BCR: variants seen among roughly 807,000 people sequenced by gnomAD.
The protein encoded by BCR is BCR activator of RhoGEF and GTPase, also known as breakpoint cluster region protein.
Under a neutral mutation model 138.6 loss-of-function variants are expected in BCR, and 58 were observed. That is an observed-to-expected ratio of 0.42 (90% confidence interval 0.34 to 0.52). The LOEUF (loss-of-function observed/expected upper bound fraction) is 0.52, where lower values mean the gene tolerates loss of function less well. Ranked by LOEUF, BCR falls within the 20% of genes least tolerant of loss-of-function variation. The probability of loss-of-function intolerance (pLI) is 0.06; values close to 1 mark genes in which losing one functional copy is unlikely to be tolerated. For synonymous variants in BCR, 786 were observed against 730.1 expected (o/e 1.08, Z -1.23); for missense variants, 1,599 against 1,727.2 (o/e 0.93, Z 1.32).
intron 2 of BCR, among the ~76,000 whole-genome samples, chr22:23,256,237 TCTC>T (rs2073293643): frequency 6.6e-6 from 1 of 152,040 alleles, no homozygotes; most frequent in Non-Finnish European, 1.5e-5. Flanking sequence ...TGCTCATCCC[TCTC>T]CTCCTGCACG....
chr22:23,286,607 C>T (rs937988695), intron 10 of BCR, among the ~76,000 whole-genome samples: 6 of 152,174 alleles, frequency 3.9e-5, no homozygotes, highest in Admixed American at 2.6e-4. Context: ...GGGTGGGGCC[C>T]TACCTGGTGA....
intron 1 of BCR, among the ~76,000 whole-genome samples, chr22:23,223,690 T>C (rs2072855887): frequency 1.3e-5 from 2 of 152,116 alleles, no homozygotes; most frequent in Admixed American, 6.5e-5. Flanking sequence ...CCACTCCAGT[T>C]GGCAAGGGTC....
chr22:23,231,965 GCCTGTC>G (rs2072964464), intron 1 of BCR, among the ~76,000 whole-genome samples: 1 of 152,172 alleles, frequency 6.6e-6, no homozygotes, highest in Admixed American at 6.5e-5. Flanking sequence ...GGTACCCTCA[GCCTGTC>G]CCAAGGCAGC....
intron 5 of BCR, 84 bp from the exon 6 acceptor site, chr22:23,271,448 T>C: frequency 3.5e-6 from 5 of 1,413,848 alleles, no homozygotes; most frequent in Non-Finnish European, 5.0e-6. Flanking sequence ...GAGGGAAAGC[T>C]GAAATTGTTG....
chr22:23,289,663 G>A (rs1282334269), intron 13 of BCR, 42 bp downstream of exon 13: 8 of 1,540,576 alleles, frequency 5.2e-6, no homozygotes, highest in Non-Finnish European at 7.2e-6. Context: ...CTGCAGGGAG[G>A]GCAGGCAGCT....
chr22:23,225,491 A>G (rs971703631), intron 1 of BCR, among the ~76,000 whole-genome samples: 2 of 152,196 alleles, frequency 1.3e-5, no homozygotes, highest in African/African-American at 4.8e-5. Context: ...GGGGACCTGG[A>G]GGATGTGGCC....
At chr22:23,229,338 T>C (rs1020754546) in intron 1 of BCR, among the ~76,000 whole-genome samples, 1 of 152,214 alleles carries the variant, frequency 6.6e-6, no homozygotes, top group Non-Finnish European at 1.5e-5. Flanking sequence ...ATTTGGGTCA[T>C]CTTGGGGTTG....
intron 1 of BCR, among the ~76,000 whole-genome samples, chr22:23,228,690 G>C (rs2072920051): frequency 6.6e-6 from 1 of 152,092 alleles, no homozygotes; most frequent in Non-Finnish European, 1.5e-5. Flanking sequence ...ATCCTCTTCT[G>C]GCCTCTATAG....
chr22:23,181,028 T>G lies in BCR; in HGVS notation c.68T>G (p.Met23Arg). The G allele has an allele frequency of 6.7e-7, 1 of 1,501,096 alleles. No individual in the cohort carries two copies. The allele number at this position is 1,501,096 out of a possible 1,614,324, so 93.0% of individuals were successfully genotyped here. A position where few individuals can be genotyped will look rare whatever the true frequency, so the allele number is the denominator to read the frequency against. ...TTCCCGGACTCAGAGCCCCCGCGCA[T>G]GGAGCTGCGCTCAGTGGGCGACATC... ...AQFPDSEPPRMELRSVGDIEQ... is the reference protein window; with the variant it reads ...AQFPDSEPPRRELRSVGDIEQ... Residue 23 changes from methionine to arginine, a missense_variant, in exon 1 of 23, where the codon ATG becomes AGG. This residue lies in a region of BCR where 806 missense variants were observed against 635.0 expected (regional missense o/e 1.27). Transcript: ENST00000305877.
chr22:23,234,854 G>A (rs1183097872), intron 1 of BCR, among the ~76,000 whole-genome samples: 2 of 143,862 alleles, frequency 1.4e-5, no homozygotes, highest in African/African-American at 4.9e-5. Flanking sequence ...GACAGTCTTC[G>A]GGGCCCAGAC....
intron 22 of BCR, 136 bp downstream of exon 22, chr22:23,314,850 C>A: frequency 3.4e-6 from 4 of 1,189,656 alleles, no homozygotes; most frequent in Non-Finnish European, 4.9e-6. Flanking sequence ...AGGGACTTGC[C>A]TAGGTCTGCA....
At chr22:23,314,191 C>T (rs187404370) in intron 21 of BCR, 118 bp downstream of exon 21, 4 of 818,998 alleles carry the variant, frequency 4.9e-6, no homozygotes, top group Non-Finnish European at 6.0e-6. Context: ...TGTCTGCAGT[C>T]ACTCACTGCC....
chr22:23,295,186 C>G, intron 16 of BCR, 31 bp downstream of exon 16: 21 of 1,584,354 alleles, frequency 1.3e-5, no homozygotes, highest in Non-Finnish European at 1.8e-5. Flanking sequence ...CTCCCCTGCC[C>G]GATGCATGGC....
At chr22:23,241,081 T>G (rs2073085044) in intron 1 of BCR, among the ~76,000 whole-genome samples, 1 of 152,210 alleles carries the variant, frequency 6.6e-6, no homozygotes. Flanking sequence ...ACTCATGCAT[T>G]GATGGATGCT....
intron 1 of BCR, among the ~76,000 whole-genome samples, chr22:23,185,480 A>AGT (rs1414704055): frequency 6.6e-6 from 1 of 151,960 alleles, no homozygotes; most frequent in East Asian, 2.0e-4. Flanking sequence ...CCTGGCTAAC[A>AGT]CGGTGAAACC....
chr22:23,268,685 C>T (rs940224851), intron 5 of BCR, among the ~76,000 whole-genome samples, 170 bp downstream of exon 5: 2 of 152,208 alleles, frequency 1.3e-5, no homozygotes, highest in African/African-American at 2.4e-5. Context: ...CTGTTGTGCG[C>T]AGACCGAAGG....
chr22:23,251,899 A>G lies in BCR; in HGVS notation c.1280-1900A>G, dbSNP rs1368311820. Among the ~76,000 whole-genome samples the G allele has an allele frequency of 4.6e-5, 7 of 152,200 alleles. No homozygotes were observed. In the East Asian group the frequency reaches 1.2e-3, roughly 25 times the overall value. The stretch of plus-strand genomic sequence containing the variant: ...TCCTTGTGGGTTGACAGTGGTCATG[A>G]TGAGTCCACTGGCTTAGAAAACTCA... On this transcript the variant is annotated intron_variant, in intron 1 of 22. Coordinates refer to ENST00000305877, the MANE Select transcript of BCR (RefSeq NM_004327.4).
chr22:23,291,611 T>C (rs1171431294), intron 14 of BCR, among the ~76,000 whole-genome samples: 1 of 152,202 alleles, frequency 6.6e-6, no homozygotes, highest in East Asian at 1.9e-4. Context: ...GGCTTGTCTC[T>C]CCTTGCCTCC....
chr22:23,300,007 T>TA (rs1175185351), intron 16 of BCR, among the ~76,000 whole-genome samples: 10 of 152,326 alleles, frequency 6.6e-5, no homozygotes, highest in Admixed American at 5.9e-4. Context: ...CCTTCCTTTT[T>TA]AAAAAAATTG....
Sources: gnomAD v4.1 joint callset for allele counts (sites outside exome capture counted in the v4.1 genomes callset) on GRCh38, gnomAD v4.1.1 for gene constraint, gnomAD v4.1.1 regional missense constraint, MANE v1.5 for transcripts, NCBI Gene and HGNC (gene_info 2026-07-23, HGNC 2026-07-21) for gene names.